ANKIB1: variants seen among roughly 807,000 people sequenced by gnomAD.
ANKIB1 encodes ankyrin repeat and IBR domain-containing protein 1.
ANKIB1 carries 43 observed loss-of-function variants against 122.1 expected under a neutral mutation model. That is an observed-to-expected ratio of 0.35 (90% CI 0.28 to 0.45). The LOEUF (loss-of-function observed/expected upper bound fraction) is 0.45, where lower values mean the gene tolerates loss of function less well. Among genes scored for constraint, ANKIB1 ranks in the 20% least tolerant of loss-of-function variants. The pLI, the probability that ANKIB1 is intolerant of heterozygous loss-of-function variation, is 1.00. For synonymous variants in ANKIB1, 390 were observed against 442.0 expected, an observed-to-expected ratio of 0.88 and a Z score of 1.48; for missense variants, 992 against 1,329.5, an observed-to-expected ratio of 0.75 and a Z score of 3.95.
intron 1 of ANKIB1, among the ~76,000 whole-genome samples, chr7:92,261,222 G>A (rs1291016266): frequency 6.6e-6 from 1 of 151,230 alleles, no homozygotes; most frequent in Non-Finnish European, 1.5e-5. Flanking sequence ...GGTAGCGGGC[G>A]CCTGTAGTCC....
intron 10 of ANKIB1, among the ~76,000 whole-genome samples, chr7:92,364,123 C>A (rs1464053599): frequency 6.6e-6 from 1 of 151,920 alleles, no homozygotes; most frequent in African/African-American, 2.4e-5. Context: ...TCTTGGCCAA[C>A]ATGGTGAAAC....
chr7:92,368,754 C>G (rs773276339), intron 10 of ANKIB1, among the ~76,000 whole-genome samples: 3 of 151,754 alleles, frequency 2.0e-5, no homozygotes, highest in Non-Finnish European at 4.4e-5. Context: ...AAGGGACAGA[C>G]GTATAGAATA....
At chr7:92,379,989 A>G (rs1469140255) in intron 11 of ANKIB1, among the ~76,000 whole-genome samples, 1 of 152,156 alleles carries the variant, frequency 6.6e-6, no homozygotes, top group African/African-American at 2.4e-5. Flanking sequence ...TCCCTTTCCT[A>G]GCCAAGAGAA....
At chr7:92,390,184 A>G in intron 15 of ANKIB1, 68 bp downstream of exon 15, 1 of 1,198,864 alleles carries the variant, frequency 8.3e-7, no homozygotes, top group Non-Finnish European at 1.1e-6. Context: ...TCATTTTTGA[A>G]ACCACTTGTT....
intron 7 of ANKIB1, among the ~76,000 whole-genome samples, 169 bp from the exon 8 acceptor site, chr7:92,350,781 C>G (rs1803645185): frequency 6.6e-6 from 1 of 152,008 alleles, no homozygotes; most frequent in Non-Finnish European, 1.5e-5. Context: ...TGCTTCAGCC[C>G]AAGAGTATGA....
intron 1 of ANKIB1, among the ~76,000 whole-genome samples, chr7:92,287,895 G>T (rs545080606): frequency 6.6e-6 from 1 of 152,030 alleles, no homozygotes; most frequent in East Asian, 1.9e-4. Context: ...AATTAGCCAG[G>T]CATGGCGGCG....
intron 8 of ANKIB1, 21 bp from the exon 9 acceptor site, chr7:92,352,455 T>G: frequency 6.2e-7 from 1 of 1,610,906 alleles, no homozygotes; most frequent in Non-Finnish European, 8.5e-7. Context: ...CTTTTGTGTT[T>G]TGTTATTGCT....
chr7:92,300,986 A>G (rs1313970373), intron 2 of ANKIB1, among the ~76,000 whole-genome samples: 3 of 152,160 alleles, frequency 2.0e-5, no homozygotes, highest in East Asian at 3.8e-4. Flanking sequence ...ACTTAGCAAA[A>G]TATCCTCTAG....
chr7:92,359,910 C>T (rs992246096), intron 9 of ANKIB1, among the ~76,000 whole-genome samples: 9 of 152,108 alleles, frequency 5.9e-5, no homozygotes, highest in Admixed American at 3.9e-4. Flanking sequence ...AGCTCACTTC[C>T]ATATTTTAAT....
Position 92,391,382 on chromosome 7 carries a change from C to G in ANKIB1, c.2231+38C>G, listed in dbSNP as rs573317810. On this transcript the variant is annotated intron_variant, in intron 16 of 19. Transcript: ENST00000265742. ...TACACTGTGGAAATCATCCTAGCTCCAGCCACAAATACCAGCAGTTTTGTT... is the reference window on the plus strand; with the variant it reads ...TACACTGTGGAAATCATCCTAGCTCGAGCCACAAATACCAGCAGTTTTGTT... The G allele has an allele frequency of 1.2e-5, 17 of 1,450,436 alleles. No homozygotes were observed. In the Admixed American group the frequency reaches 3.7e-4, roughly 32 times the overall value. 89.8% of individuals were successfully genotyped at this position (1,450,436 alleles called of 1,614,324 possible).
chr7:92,383,003 TAAA>T (rs1057087492), intron 11 of ANKIB1, among the ~76,000 whole-genome samples: 5 of 151,272 alleles, frequency 3.3e-5, no homozygotes, highest in South Asian at 4.2e-4. Context: ...GCAAGACTAA[TAAA>T]GAAGAAAAGA....
chr7:92,386,657 A>G lies in ANKIB1; in HGVS notation c.1752+14A>G, dbSNP rs757714108. 10 of 1,585,768 alleles carry G rather than the reference A, an allele frequency of 6.3e-6. No individual in the cohort carries two copies. The highest frequency in any genetic ancestry group is 4.1e-5 in the African/African-American group (3 of 73,812). On this transcript the variant is annotated intron_variant, in intron 12 of 19. Coordinates refer to ENST00000265742, the MANE Select transcript of ANKIB1 (RefSeq NM_019004.2). ...ATGACTGTGGAGGTAAAGAGAACCA[A>G]TTAAGCCAAGACATCTCTCTAAACC...
chr7:92,247,624 C>A (rs1192746671), intron 1 of ANKIB1, among the ~76,000 whole-genome samples: 1 of 152,124 alleles, frequency 6.6e-6, no homozygotes, highest in African/African-American at 2.4e-5. Flanking sequence ...TCAAACTGCT[C>A]CTGCAGAACT....
At chr7:92,271,078 TTA>T (rs1412737292) in intron 1 of ANKIB1, among the ~76,000 whole-genome samples, 1 of 152,186 alleles carries the variant, frequency 6.6e-6, no homozygotes, top group East Asian at 1.9e-4. Flanking sequence ...TCTAAAAGTT[TTA>T]TAGTTTTAAG....
At chr7:92,284,202 A>C (rs375312562) in intron 1 of ANKIB1, among the ~76,000 whole-genome samples, 10 of 152,358 alleles carry the variant, frequency 6.6e-5, no homozygotes, top group African/African-American at 2.4e-4. Context: ...ATAACAACGC[A>C]CAGAATACCT....
rs1486673816 is a variant in ANKIB1, at chr7:92,398,821, G to A, written c.3142G>A (p.Ala1048Thr). Residue 1048 changes from alanine to threonine, a missense_variant, in exon 20 of 20, where the codon GCG (alanine) becomes ACG (threonine). Ala to Thr is a moderately conservative substitution (Grantham distance 58, BLOSUM62 0). Coordinates refer to ENST00000265742, the MANE Select transcript of ANKIB1 (RefSeq NM_019004.2). ...EENPLEENIL[A>T]GEAASQAGDS... ...AAATCCTTTGGAAGAAAATATTCTG[G>A]CGGGGGAAGCAGCATCTCAAGCTGG... 1.2e-6 allele frequency: 2 copies of A among 1,605,480 alleles called. No individual in the cohort carries two copies. Among genetic ancestry groups the A allele is most frequent in the African/African-American group, 2.7e-5 (2 of 74,768 alleles).
Position 92,255,315 on chromosome 7 carries a change from G to A in ANKIB1, c.-91+8796G>A, listed in dbSNP as rs567319177. The stretch of plus-strand genomic sequence containing the variant: ...TAATCAAATAGTAATCATGTTCAGC[G>A]GCCACAGAAATCCAAAAAAGGGTCA... On this transcript the variant is annotated intron_variant, in intron 1 of 19. Transcript: ENST00000265742. Among the ~76,000 whole-genome samples, 22 of 152,156 alleles carry A rather than the reference G, an allele frequency of 1.4e-4. No homozygotes were observed. The South Asian group carries it at 2.5e-3, about 17-fold the overall frequency.
chr7:92,280,666 C>A (rs1801997125), intron 1 of ANKIB1, among the ~76,000 whole-genome samples: 1 of 152,182 alleles, frequency 6.6e-6, no homozygotes, highest in African/African-American at 2.4e-5. Flanking sequence ...TATCCCCCAA[C>A]CCCCAACTTT....
At chr7:92,359,624 C>G (rs1275230727) in intron 9 of ANKIB1, among the ~76,000 whole-genome samples, 1 of 152,132 alleles carries the variant, frequency 6.6e-6, no homozygotes, top group Non-Finnish European at 1.5e-5. Context: ...ATTTCTAGTT[C>G]TAGATCCTTG....
Sources: allele counts gnomAD v4.1 joint callset (sites outside exome capture counted in the v4.1 genomes callset), GRCh38; gene constraint gnomAD v4.1.1; transcripts MANE v1.5; gene names NCBI Gene and HGNC (gene_info 2026-07-23, HGNC 2026-07-21).